NTRK3: variants seen among roughly 807,000 people sequenced by gnomAD.
The protein encoded by NTRK3 is neurotrophic receptor tyrosine kinase 3.
Under a neutral mutation model 91.7 loss-of-function variants are expected in NTRK3, and 24 were observed. The ratio of observed to expected loss-of-function variants is 0.26; its 90% confidence interval spans 0.19 to 0.37. The LOEUF is 0.37. Among genes scored for constraint, NTRK3 ranks in the 10% least tolerant of loss-of-function variants. The pLI is 1.00. For synonymous variants in NTRK3, 483 were observed against 404.0 expected, an observed-to-expected ratio of 1.20 and a Z score of -2.34; for missense variants, 880 against 1,068.9, an observed-to-expected ratio of 0.82 and a Z score of 2.46.
intron 14 of NTRK3, among the ~76,000 whole-genome samples, chr15:87,975,734 G>C (rs559425958): frequency 2.0e-5 from 3 of 152,296 alleles, no homozygotes; most frequent in Admixed American, 6.5e-5. Context: ...ATTCTGCCCA[G>C]CAACCTTTCC....
At chr15:88,163,698 T>C (rs991534623) in intron 5 of NTRK3, among the ~76,000 whole-genome samples, 1 of 152,196 alleles carries the variant, frequency 6.6e-6, no homozygotes, top group Non-Finnish European at 1.5e-5. Flanking sequence ...GGACCTTCAT[T>C]CTTTTTGAGA....
At chr15:88,018,240 AG>A (rs2077372190) in intron 14 of NTRK3, among the ~76,000 whole-genome samples, 1 of 152,172 alleles carries the variant, frequency 6.6e-6, no homozygotes, top group Admixed American at 6.5e-5. Flanking sequence ...GGACACACGG[AG>A]GGGGATGACT....
intron 14 of NTRK3, among the ~76,000 whole-genome samples, chr15:88,023,243 A>T (rs764544850): frequency 2.0e-5 from 3 of 152,188 alleles, no homozygotes; most frequent in Non-Finnish European, 2.9e-5. Context: ...TTGGCTCCCA[A>T]GATATCTCAT....
intron 14 of NTRK3, among the ~76,000 whole-genome samples, chr15:87,957,892 A>G (rs2071837784): frequency 6.6e-6 from 1 of 152,184 alleles, no homozygotes; most frequent in East Asian, 1.9e-4. Context: ...AAAGGAAAGA[A>G]CTAAATTGCT....
chr15:87,885,612 T>C, intron 17 of NTRK3, 82 bp downstream of exon 18: 2 of 767,000 alleles, frequency 2.6e-6, no homozygotes, highest in Admixed American at 3.3e-5. Flanking sequence ...ATATTGGAAT[T>C]TAATATATGA....
chr15:87,875,638 G>A (rs2141427890), exon 19 of NTRK3: 1 of 232,948 alleles, frequency 4.3e-6, no homozygotes, highest in African/African-American at 2.2e-5. Flanking sequence ...AATCCTCCCA[G>A]GGGCTGGAAA....
chr15:87,927,257 G>C (rs915446487), intron 17 of NTRK3: 1 of 152,178 alleles, frequency 6.6e-6, no homozygotes, highest in Non-Finnish European at 1.5e-5. Context: ...TTCTTTGGTT[G>C]CACAACAAAC....
intron 14 of NTRK3, among the ~76,000 whole-genome samples, chr15:87,960,818 G>A (rs938111834): frequency 6.6e-6 from 1 of 152,010 alleles, no homozygotes; most frequent in African/African-American, 2.4e-5. Flanking sequence ...TCCTTGACCC[G>A]TCCTCCCCTA....
At chr15:88,128,347 AG>A (rs1419059231) in intron 11 of NTRK3, among the ~76,000 whole-genome samples, 2 of 152,198 alleles carry the variant, frequency 1.3e-5, no homozygotes, top group Non-Finnish European at 2.9e-5. Context: ...GCAGGTTTAT[AG>A]GTTCCATATT....
chr15:88,111,999 A>G (rs2051437132), intron 13 of NTRK3, among the ~76,000 whole-genome samples: 1 of 150,320 alleles, frequency 6.7e-6, no homozygotes, highest in Non-Finnish European at 1.5e-5. Context: ...CTCCGCCTCC[A>G]AGGTACACGC....
Position 88,241,732 on chromosome 15 carries a change from C to T in NTRK3, c.248+14174G>A, listed in dbSNP as rs1441515543. Among the ~76,000 whole-genome samples, 1 of 152,154 alleles carries T rather than the reference C, an allele frequency of 6.6e-6. No homozygotes were observed. The highest frequency in any genetic ancestry group is 6.5e-5 in the Admixed American group (1 of 15,280). On this transcript the variant is annotated intron_variant, in intron 3 of 18. Coordinates refer to ENST00000394480, the Ensembl canonical transcript of NTRK3. This position sits in a 1 kb window ranked among gnomAD's most constrained non-coding sequence, Gnocchi z 4.3. ...CTCACCCAGGCTCACCTCCACCCAG[C>T]GCACTGGGGAGAAGGGCTGCCCTAT...
intron 13 of NTRK3, among the ~76,000 whole-genome samples, chr15:88,081,903 T>C (rs77790213): frequency 0.031 from 4,645 of 152,280 alleles, 224 homozygotes; most frequent in African/African-American, 0.1. Flanking sequence ...TGGCCCTCTG[T>C]GTCACCAAAA....
chr15:87,930,602 A>G (rs953722021), intron 16 of NTRK3, among the ~76,000 whole-genome samples: 29 of 152,000 alleles, frequency 1.9e-4, no homozygotes, highest in African/African-American at 6.3e-4. Context: ...CAACACCACC[A>G]ATATGGAGAT....
chr15:88,107,170 G>A (rs1171769747), intron 13 of NTRK3, among the ~76,000 whole-genome samples: 1 of 151,976 alleles, frequency 6.6e-6, no homozygotes, highest in Non-Finnish European at 1.5e-5. Context: ...CAGGCCAGGT[G>A]CAGTGCTCAC....
intron 11 of NTRK3, 111 bp downstream of exon 11, chr15:88,128,600 C>T (rs2053522789): frequency 2.6e-6 from 3 of 1,162,108 alleles, no homozygotes; most frequent in Non-Finnish European, 3.9e-6. Context: ...ATGCCCTCAG[C>T]TGCCATGGGC....
chr15:88,032,776 G>T (rs2078667788), intron 14 of NTRK3, 81 bp downstream of exon 14: 7 of 1,512,240 alleles, frequency 4.6e-6, no homozygotes, highest in Middle Eastern at 1.7e-4. Flanking sequence ...ACCCTAGAAG[G>T]TTCCAGAACC....
At chr15:87,933,345 T>A (rs536422878) in intron 15 of NTRK3, among the ~76,000 whole-genome samples, 161 bp from the exon 16 acceptor site, 3 of 152,364 alleles carry the variant, frequency 2.0e-5, no homozygotes, top group African/African-American at 7.2e-5. Context: ...CTATAAGGCC[T>A]GACTCCTTCC....
intron 3 of NTRK3, among the ~76,000 whole-genome samples, chr15:88,224,879 G>A (rs530221285): frequency 1.5e-3 from 233 of 152,354 alleles, no homozygotes; most frequent in Admixed American, 5.4e-3. Flanking sequence ...CTCACTCTTG[G>A]CACTGGAGCT....
intron 5 of NTRK3, among the ~76,000 whole-genome samples, chr15:88,162,241 G>C (rs2151439871): frequency 6.6e-6 from 1 of 152,318 alleles, no homozygotes; most frequent in South Asian, 2.1e-4. Context: ...CATTTCTCTA[G>C]GCTGAGTCTC....
Sources: gnomAD v4.1 joint callset for allele counts (sites outside exome capture counted in the v4.1 genomes callset) on GRCh38, gnomAD v4.1.1 for gene constraint, Gnocchi (gnomAD v3.1) non-coding constraint, MANE v1.5 for transcripts, NCBI Gene and HGNC (gene_info 2026-07-23, HGNC 2026-07-21) for gene names.